The following EPHA5 variants were observed in gnomAD, a reference collection of about 807,000 sequenced individuals.
The protein encoded by EPHA5 is ephrin type-A receptor 5.
In EPHA5, 60 loss-of-function variants were observed where a neutral mutation model predicts 105.0. The observed-to-expected ratio is 0.57, with a 90% CI of 0.46 to 0.71. EPHA5 has a LOEUF of 0.71. Among genes scored for constraint, EPHA5 ranks in the 30% least tolerant of loss-of-function variants. EPHA5 has a pLI of 0.00. For missense variants in EPHA5, 1,218 were observed against 1,274.7 expected (o/e 0.96, Z 0.68); for synonymous variants, 513 against 449.1 (o/e 1.14, Z -1.80).
intron 1 of EPHA5, among the ~76,000 whole-genome samples, chr4:65,653,170 A>G (rs1370839922): frequency 6.6e-6 from 1 of 152,186 alleles, no homozygotes; most frequent in Non-Finnish European, 1.5e-5. Context: ...AATGAGGATT[A>G]CAGGAGACAG....
intron 1 of EPHA5, among the ~76,000 whole-genome samples, chr4:65,646,477 G>C (rs1232147161): frequency 6.6e-6 from 1 of 152,120 alleles, no homozygotes; most frequent in African/African-American, 2.4e-5. Flanking sequence ...GTTCATTAGT[G>C]GATGAATACT....
intron 2 of EPHA5, among the ~76,000 whole-genome samples, chr4:65,622,803 A>C (rs1253330642): frequency 6.6e-6 from 1 of 152,020 alleles, no homozygotes; most frequent in Non-Finnish European, 1.5e-5. Flanking sequence ...AAAAGAAATA[A>C]ATCCTGTCTC....
At chr4:65,556,835 C>A (rs1054459807) in intron 3 of EPHA5, among the ~76,000 whole-genome samples, 4 of 152,038 alleles carry the variant, frequency 2.6e-5, no homozygotes, top group Admixed American at 1.3e-4. Context: ...TGCTCCTTTT[C>A]ATTGTCTAAG....
chr4:65,459,918 T>G (rs552550113), intron 5 of EPHA5, among the ~76,000 whole-genome samples: 8 of 151,898 alleles, frequency 5.3e-5, no homozygotes, highest in African/African-American at 1.9e-4. Context: ...ATCCAATAAC[T>G]GTTTAGTACA....
intron 5 of EPHA5, among the ~76,000 whole-genome samples, chr4:65,468,646 AC>A (rs568479490): frequency 8.6e-5 from 4 of 46,410 alleles, no homozygotes; most frequent in Admixed American, 7.8e-4. Context: ...TAACATATAT[AC>A]ATATATATGT....
At chr4:65,554,370 T>A (rs1738204585) in intron 3 of EPHA5, among the ~76,000 whole-genome samples, 1 of 150,992 alleles carries the variant, frequency 6.6e-6, no homozygotes, top group African/African-American at 2.4e-5. Context: ...CTATTTGAAA[T>A]ATAAATACTA....
chr4:65,537,686 G>T (rs989025640), intron 3 of EPHA5, among the ~76,000 whole-genome samples: 2 of 151,660 alleles, frequency 1.3e-5, no homozygotes, highest in African/African-American at 4.8e-5. Context: ...TATATAGAAG[G>T]ATTGAGAAAT....
chr4:65,404,936 G>A (rs1302906181), intron 7 of EPHA5, among the ~76,000 whole-genome samples: 1 of 152,078 alleles, frequency 6.6e-6, no homozygotes, highest in African/African-American at 2.4e-5. Flanking sequence ...AGACATTGGA[G>A]ACATTGATGA....
At chr4:65,369,549 A>C (rs548388572) in intron 8 of EPHA5, among the ~76,000 whole-genome samples, 2 of 152,298 alleles carry the variant, frequency 1.3e-5, no homozygotes, top group African/African-American at 4.8e-5. Flanking sequence ...ATTCTAGGAT[A>C]TATTTAAAAT....
chr4:65,642,688 C>T (rs180930663), intron 2 of EPHA5, among the ~76,000 whole-genome samples: 6 of 151,906 alleles, frequency 3.9e-5, no homozygotes, highest in African/African-American at 1.4e-4. Flanking sequence ...CTGGTTTACT[C>T]ATTAATTTGA....
intron 3 of EPHA5, among the ~76,000 whole-genome samples, chr4:65,599,843 A>C (rs942269038): frequency 6.6e-6 from 1 of 152,192 alleles, no homozygotes; most frequent in Non-Finnish European, 1.5e-5. Flanking sequence ...CTAAGACTGC[A>C]TTGCATTCTG....
intron 3 of EPHA5, among the ~76,000 whole-genome samples, chr4:65,576,592 G>T (rs1447056089): frequency 6.6e-6 from 1 of 152,218 alleles, no homozygotes; most frequent in Non-Finnish European, 1.5e-5. Context: ...CCTGTACACA[G>T]GCCAGTCACT....
At chr4:65,600,079 C>A (rs543851150) in intron 3 of EPHA5, among the ~76,000 whole-genome samples, 127 of 152,082 alleles carry the variant, frequency 8.4e-4, no homozygotes, top group African/African-American at 2.9e-3. Context: ...TACTAATAAA[C>A]AAATTTTTAG....
chr4:65,523,114 C>T (rs907884962), intron 3 of EPHA5, among the ~76,000 whole-genome samples: 4 of 151,716 alleles, frequency 2.6e-5, no homozygotes, highest in African/African-American at 9.7e-5. Context: ...TAGACCAAAA[C>T]GATATATATT....
intron 8 of EPHA5, chr4:65,377,204 T>G: frequency 1.6e-6 from 1 of 613,890 alleles, no homozygotes; most frequent in Non-Finnish European, 2.6e-6. Context: ...TTAATTTTTT[T>G]CCACAGTGCC....
At chr4:65,518,008 A>C (rs917219923) in intron 3 of EPHA5, among the ~76,000 whole-genome samples, 1 of 151,958 alleles carries the variant, frequency 6.6e-6, no homozygotes, top group Non-Finnish European at 1.5e-5. Flanking sequence ...GAGTTTTAGA[A>C]ATAATATGCT....
Position 65,537,071 on chromosome 4 carries a change from G to T in EPHA5, c.911-41528C>A, listed in dbSNP as rs1247754240. 2.0e-5 allele frequency among the ~76,000 whole-genome samples: 3 copies of T among 151,848 alleles called. No individual in the cohort carries two copies. The East Asian group carries it at 5.8e-4, about 29-fold the overall frequency. ...TAAAACCCTTGGGATCCAAAAATTA[G>T]AACATATTTCTCACAGGAGAGAAAT... is the stretch of plus-strand genomic sequence containing the variant. On this transcript the variant is annotated intron_variant, in intron 3 of 16. Transcript: ENST00000613740.
intron 2 of EPHA5, among the ~76,000 whole-genome samples, chr4:65,631,930 A>G (rs1244356801): frequency 6.6e-6 from 1 of 151,972 alleles, no homozygotes; most frequent in Admixed American, 6.6e-5. Context: ...AACCTAAAGA[A>G]CAAATAATGC....
chr4:65,451,170 G>A (rs2149107335), intron 5 of EPHA5, among the ~76,000 whole-genome samples: 1 of 152,078 alleles, frequency 6.6e-6, no homozygotes, highest in Non-Finnish European at 1.5e-5. Context: ...TTCTTTCTGT[G>A]AGATATCTTG....
Sources: gnomAD v4.1 joint callset for allele counts (sites outside exome capture counted in the v4.1 genomes callset) on GRCh38, gnomAD v4.1.1 for gene constraint, MANE v1.5 for transcripts, NCBI Gene and HGNC (gene_info 2026-07-23, HGNC 2026-07-21) for gene names.